Variants in HK2 observed in about 807,000 individuals in gnomAD.
HK2 encodes the protein hexokinase-2.
A neutral mutation model predicts 92.9 loss-of-function variants in HK2; 42 were observed. The ratio of observed to expected loss-of-function variants is 0.45; its 90% CI spans 0.35 to 0.58. The LOEUF is 0.58. HK2 is among the 20% of genes least tolerant of loss of function. The pLI is 0.00. For synonymous variants in HK2, 422 were observed against 468.0 expected (o/e 0.90, Z 1.27); for missense variants, 978 against 1,245.1 (o/e 0.79, Z 3.23).
chr2:74,885,845 A>AACACACACACACACACACACAC (rs71406901), intron 13 of HK2, among the ~76,000 whole-genome samples: 250 of 129,130 alleles, frequency 1.9e-3, no homozygotes, highest in East Asian at 8.4e-3. Flanking sequence ...AGAGCTGTGA[A>AACACACACACACACACACACAC]ACACACACAC....
intron 2 of HK2, among the ~76,000 whole-genome samples, chr2:74,863,762 T>C (rs763843542): frequency 6.6e-6 from 1 of 152,102 alleles, no homozygotes; most frequent in African/African-American, 2.4e-5. Flanking sequence ...TAGAGGATGA[T>C]TGGAATGTTC....
At position 74,850,787 on chromosome 2, in the gene HK2, G is replaced by A. The variant is rs186064825; in HGVS notation, c.64-3506G>A. On this transcript the variant is annotated intron_variant, in intron 1 of 17. Transcript: ENST00000290573. ...TTCCCTTGGCTACCAACACAGCAGT[G>A]CCTACCAGGGCTGGGTGGGCTCCAC... Among the ~76,000 whole-genome samples, 4 of 152,288 alleles carry A rather than the reference G, an allele frequency of 2.6e-5. No homozygotes were observed. The East Asian group carries it at 7.7e-4, about 29-fold the overall frequency.
rs572996007 is a variant in HK2, at chr2:74,880,302, G to A, written c.1303G>A (p.Val435Met). ...KRLHKTVRRL[V>M]PGCDVRFLRS... ...TCTACATAAGACCGTGCGGCGGCTG[G>A]TGCCCGGCTGCGATGTCCGCTTCCT... Residue 435 changes from valine to methionine, a missense_variant, in exon 10 of 18, where the codon GTG (valine) becomes ATG (methionine). Coordinates refer to ENST00000290573, the MANE Select transcript of HK2 (RefSeq NM_000189.5). 8 of 1,614,172 alleles carry A rather than the reference G, an allele frequency of 5.0e-6. No homozygotes were observed. In the South Asian group the frequency reaches 8.8e-5, roughly 18 times the overall value.
intron 1 of HK2, among the ~76,000 whole-genome samples, chr2:74,845,534 G>T (rs1688415031): frequency 6.6e-6 from 1 of 152,244 alleles, no homozygotes; most frequent in Non-Finnish European, 1.5e-5. Context: ...CTGAGACTGA[G>T]AACTGGAAGA....
intron 1 of HK2, among the ~76,000 whole-genome samples, chr2:74,844,063 C>G (rs765148255): frequency 6.6e-5 from 10 of 152,128 alleles, no homozygotes; most frequent in Non-Finnish European, 1.3e-4. Flanking sequence ...GACTCCAGAG[C>G]CAGTGCCCTT....
At chr2:74,841,212 C>T (rs1688307808) in intron 1 of HK2, among the ~76,000 whole-genome samples, 1 of 151,370 alleles carries the variant, frequency 6.6e-6, no homozygotes, top group Admixed American at 6.6e-5. Flanking sequence ...GATTTTATAC[C>T]CCAGTGGACT....
chr2:74,887,830 A>T (rs1182726863), intron 15 of HK2, 73 bp from the exon 16 acceptor site: 1 of 1,458,698 alleles, frequency 6.9e-7, no homozygotes. Context: ...GGGGTGACTA[A>T]GCTGGCCTGT....
intron 2 of HK2, among the ~76,000 whole-genome samples, 178 bp downstream of exon 2, chr2:74,854,633 C>T (rs542504913): frequency 7.9e-5 from 12 of 152,344 alleles, no homozygotes; most frequent in Admixed American, 2.6e-4. Context: ...GAAAAGCTGG[C>T]AGTCCTGGCA....
intron 12 of HK2, among the ~76,000 whole-genome samples, chr2:74,882,881 G>T (rs1689437536): frequency 6.6e-6 from 1 of 151,860 alleles, no homozygotes. Context: ...TGAGGCCCTT[G>T]TTATGGGCTC....
At chr2:74,890,602 G>A (rs1689652576) in intron 17 of HK2, among the ~76,000 whole-genome samples, 195 bp from the exon 18 acceptor site, 1 of 152,204 alleles carries the variant, frequency 6.6e-6, no homozygotes, top group Non-Finnish European at 1.5e-5. Context: ...CATAGTACTA[G>A]TGTCTCCAAG....
intron 2 of HK2, among the ~76,000 whole-genome samples, chr2:74,855,152 A>G (rs1258987470): frequency 2.0e-5 from 3 of 152,068 alleles, no homozygotes; most frequent in African/African-American, 7.2e-5. Flanking sequence ...ATGTGCCACC[A>G]AGCCCGGCTA....
At chr2:74,856,749 T>C (rs1688705375) in intron 2 of HK2, among the ~76,000 whole-genome samples, 1 of 152,220 alleles carries the variant, frequency 6.6e-6, no homozygotes, top group South Asian at 2.1e-4. Context: ...TCCAAAATCC[T>C]ACAGCCAGTG....
intron 2 of HK2, among the ~76,000 whole-genome samples, chr2:74,862,576 A>G (rs1439636316): frequency 4.6e-5 from 7 of 152,072 alleles, no homozygotes; most frequent in Admixed American, 4.6e-4. Context: ...AGCTGGTTAA[A>G]CCTGAAGGAA....
intron 2 of HK2, among the ~76,000 whole-genome samples, chr2:74,861,280 T>A (rs1424739686): frequency 3.9e-5 from 6 of 151,950 alleles, no homozygotes; most frequent in African/African-American, 1.5e-4. Context: ...AATTAGCCGG[T>A]TGTGGTGGCA....
intron 1 of HK2, among the ~76,000 whole-genome samples, chr2:74,843,048 T>A (rs1027913619): frequency 4.6e-5 from 7 of 152,126 alleles, no homozygotes; most frequent in African/African-American, 1.7e-4. Flanking sequence ...CATCCTCACA[T>A]CTCTCCCAGA....
Position 74,885,845 on chromosome 2 carries a change from AACACACAC to A in HK2, c.1935+290_1935+297del, listed in dbSNP as rs71406901. 5.1e-3 allele frequency among the ~76,000 whole-genome samples: 661 copies of A among 129,140 alleles called. 8 individuals carry two copies. Among genetic ancestry groups the A allele is most frequent in the African/African-American group, 0.019 (565 of 30,352 alleles). The allele number at this position is 129,140 out of a possible 152,430, so 84.7% of individuals were successfully genotyped here. The stretch of plus-strand genomic sequence containing the variant: ...TGGCAGGTGCTGTTAAGAGCTGTGA[AACACACAC>A]ACACACACACACACACACACACACA... On this transcript the variant is annotated intron_variant, in intron 13 of 17. Transcript: ENST00000290573.
In HK2 at chr2:74,854,460, T is replaced by G. The variant is rs1402631057; in HGVS notation, c.226+5T>G. The G allele has an allele frequency of 1.2e-6, 2 of 1,613,982 alleles. No individual in the cohort carries two copies. The highest frequency in any genetic ancestry group is 2.7e-5 in the African/African-American group (2 of 74,948). On this transcript the variant is annotated splice_donor_5th_base_variant and intron_variant, in intron 2 of 17. Coordinates refer to ENST00000290573, the MANE Select transcript of HK2 (RefSeq NM_000189.5). ...GGTCCACTCCAGATGGGACAGGTAC[T>G]GCATCTGGGGGATGGCTCTAGCTGC...
chr2:74,872,905 C>T (rs1468649899), intron 4 of HK2, among the ~76,000 whole-genome samples: 1 of 152,190 alleles, frequency 6.6e-6, no homozygotes, highest in Non-Finnish European at 1.5e-5. Flanking sequence ...TATGGGACAG[C>T]CTGTTAACTC....
In HK2 at chr2:74,834,589, C is replaced by G; in HGVS notation, c.9C>G (p.Ala3=). Residue 3 remains alanine, a synonymous_variant, in exon 1 of 18, where the codon GCC becomes GCG. Coordinates refer to ENST00000290573, the MANE Select transcript of HK2 (RefSeq NM_000189.5). This position sits in a 1 kb window ranked among gnomAD's most constrained non-coding sequence, Gnocchi z 4.2. ...CGTCGGGCCGCGGCAGGATGATTGC[C>G]TCGCATCTGCTTGCCTACTTCTTCA... The part of the protein sequence containing the change: MI[A]SHLLAYFFTE... 1 of 1,613,928 alleles carries G rather than the reference C, an allele frequency of 6.2e-7. No homozygotes were observed. Among genetic ancestry groups the G allele is most frequent in the South Asian group, 1.1e-5 (1 of 91,086 alleles).
Sources: allele counts gnomAD v4.1 joint callset (sites outside exome capture counted in the v4.1 genomes callset), GRCh38; gene constraint gnomAD v4.1.1; non-coding constraint Gnocchi (gnomAD v3.1); transcripts MANE v1.5; gene names NCBI Gene and HGNC (gene_info 2026-07-23, HGNC 2026-07-21).